TRABD2B: variants seen among roughly 807,000 people sequenced by gnomAD.
The protein encoded by TRABD2B is metalloprotease TIKI2.
TRABD2B carries 14 observed loss-of-function variants against 40.1 expected under a neutral mutation model. The observed-to-expected ratio is 0.35, with a 90% confidence interval of 0.23 to 0.55. The LOEUF is 0.55. TRABD2B is among the 20% of genes least tolerant of loss of function. TRABD2B has a pLI of 0.90. For missense variants in TRABD2B, 541 were observed against 648.6 expected, an observed-to-expected ratio of 0.83 and a Z score of 1.80; for synonymous variants, 263 against 277.0, an observed-to-expected ratio of 0.95 and a Z score of 0.50.
intron 2 of TRABD2B, among the ~76,000 whole-genome samples, chr1:47,882,279 C>G (rs189949899): frequency 1.3e-5 from 2 of 152,234 alleles, no homozygotes; most frequent in Non-Finnish European, 2.9e-5. Flanking sequence ...GGGGACTGCA[C>G]GTGTGTGCCT....
intron 2 of TRABD2B, among the ~76,000 whole-genome samples, chr1:47,848,177 A>C (rs539738424): frequency 2.0e-5 from 3 of 152,196 alleles, no homozygotes; most frequent in Non-Finnish European, 4.4e-5. Context: ...ATGAGGGCCA[A>C]ACCCAAAATG....
At chr1:47,985,268 C>T (rs1445390380) in intron 2 of TRABD2B, among the ~76,000 whole-genome samples, 10 of 152,214 alleles carry the variant, frequency 6.6e-5, no homozygotes, top group East Asian at 3.9e-4. Flanking sequence ...TGCACTATGA[C>T]GTGTAAACTT....
In TRABD2B at chr1:47,873,028, A is replaced by G. The variant is rs574730039; in HGVS notation, c.667-71409T>C. Among the ~76,000 whole-genome samples, 108 of 152,320 alleles carry G rather than the reference A, an allele frequency of 7.1e-4. 1 individual carries two copies. The highest frequency in any genetic ancestry group is 2.4e-3 in the African/African-American group (101 of 41,572). On this transcript the variant is annotated intron_variant, in intron 2 of 6. Coordinates refer to ENST00000606738, the MANE Select transcript of TRABD2B (RefSeq NM_001194986.2). Reference sequence around the variant, plus strand: ...TGCCTGGTGGGGCCCACTTCCTGCAATCATAGATGGTGCCTTCTTGCCATG... The same window carrying G: ...TGCCTGGTGGGGCCCACTTCCTGCAGTCATAGATGGTGCCTTCTTGCCATG...
chr1:47,906,774 C>T (rs1644684193), intron 2 of TRABD2B, among the ~76,000 whole-genome samples: 1 of 152,214 alleles, frequency 6.6e-6, no homozygotes, highest in African/African-American at 2.4e-5. Flanking sequence ...TATGACAGGT[C>T]TAGGAACCTT....
chr1:47,876,169 T>C (rs965447762), intron 2 of TRABD2B, among the ~76,000 whole-genome samples: 5 of 152,162 alleles, frequency 3.3e-5, no homozygotes, highest in Non-Finnish European at 7.4e-5. Flanking sequence ...GTCACTGAGC[T>C]TGAACAAGCG....
rs1178013694 is a variant in TRABD2B, at chr1:47,996,637, G to A, written c.102+51C>T. On this transcript the variant is annotated intron_variant, in intron 1 of 6. Transcript: ENST00000606738. This position sits in a 1 kb window ranked among gnomAD's most constrained non-coding sequence, Gnocchi z 4.6. ...CAGGACCCAAACCATGGTCCCACGG[G>A]ACTAGAATACCCAGGCAGGCGGGAG... 4.1e-6 allele frequency: 5 copies of A among 1,222,896 alleles called. No homozygotes were observed. Among genetic ancestry groups the A allele is most frequent in the East Asian group, 3.2e-5 (1 of 30,920 alleles). 75.8% of individuals were successfully genotyped at this position (1,222,896 alleles called of 1,614,324 possible).
intron 2 of TRABD2B, among the ~76,000 whole-genome samples, chr1:47,982,946 A>G (rs1237339057): frequency 6.6e-6 from 1 of 152,222 alleles, no homozygotes; most frequent in Non-Finnish European, 1.5e-5. Context: ...AGGCCTCACC[A>G]TGCGGGTTCT....
At chr1:47,911,539 C>T (rs1200963218) in intron 2 of TRABD2B, among the ~76,000 whole-genome samples, 1 of 152,260 alleles carries the variant, frequency 6.6e-6, no homozygotes, top group Non-Finnish European at 1.5e-5. Context: ...AATGCATCGT[C>T]TGTCAGTTCT....
At chr1:47,795,473 G>T (rs1209545376) in intron 3 of TRABD2B, among the ~76,000 whole-genome samples, 1 of 152,214 alleles carries the variant, frequency 6.6e-6, no homozygotes, top group East Asian at 1.9e-4. Context: ...AAGAGGATGT[G>T]CAGGGTCAGT....
At chr1:47,872,155 C>G (rs1644150798) in intron 2 of TRABD2B, among the ~76,000 whole-genome samples, 1 of 152,194 alleles carries the variant, frequency 6.6e-6, no homozygotes, top group Admixed American at 6.5e-5. Flanking sequence ...TAGTCCCATC[C>G]TCTCTGGGGA....
At chr1:47,886,049 T>C (rs116414398) in intron 2 of TRABD2B, among the ~76,000 whole-genome samples, 231 of 152,290 alleles carry the variant, frequency 1.5e-3, no homozygotes, top group African/African-American at 5.0e-3. Flanking sequence ...GGAAGTGAGA[T>C]AGAGAAACTG....
intron 2 of TRABD2B, among the ~76,000 whole-genome samples, chr1:47,847,297 A>G (rs1384869841): frequency 6.6e-6 from 1 of 152,096 alleles, no homozygotes; most frequent in Non-Finnish European, 1.5e-5. Flanking sequence ...CACCCCCTTC[A>G]CAGGAAGGAC....
intron 2 of TRABD2B, among the ~76,000 whole-genome samples, chr1:47,874,689 T>C (rs1644197903): frequency 6.6e-6 from 1 of 151,242 alleles, no homozygotes; most frequent in African/African-American, 2.4e-5. Context: ...CACCTCAGCC[T>C]CCTGAGTAGT....
chr1:47,817,725 G>A (rs1462092148), intron 2 of TRABD2B, among the ~76,000 whole-genome samples: 5 of 152,130 alleles, frequency 3.3e-5, no homozygotes, highest in African/African-American at 1.2e-4. Context: ...GTCCCTTCAC[G>A]GGCTCCTCGC....
intron 2 of TRABD2B, among the ~76,000 whole-genome samples, chr1:47,932,780 T>A (rs941513349): frequency 5.9e-5 from 9 of 152,166 alleles, no homozygotes; most frequent in Non-Finnish European, 7.4e-5. Flanking sequence ...TCTGCGCAAG[T>A]CACTTCTTCC....
intron 2 of TRABD2B, among the ~76,000 whole-genome samples, chr1:47,861,076 T>C (rs1643960973): frequency 6.6e-6 from 1 of 152,152 alleles, no homozygotes; most frequent in Non-Finnish European, 1.5e-5. Flanking sequence ...GGGGAGGAGA[T>C]GAAAACCAGA....
At chr1:47,936,593 A>G (rs1355085440) in intron 2 of TRABD2B, among the ~76,000 whole-genome samples, 1 of 152,066 alleles carries the variant, frequency 6.6e-6, no homozygotes, top group African/African-American at 2.4e-5. Context: ...AAAAAGGATA[A>G]TAAGTTTTAA....
intron 2 of TRABD2B, among the ~76,000 whole-genome samples, chr1:47,984,721 T>G (rs1033799367): frequency 6.6e-6 from 1 of 152,092 alleles, no homozygotes; most frequent in Non-Finnish European, 1.5e-5. Flanking sequence ...CCCTCCGATC[T>G]CAGGTTCACC....
chr1:47,791,507 G>A (rs1198077564), intron 4 of TRABD2B, among the ~76,000 whole-genome samples: 1 of 152,200 alleles, frequency 6.6e-6, no homozygotes, highest in Non-Finnish European at 1.5e-5. Flanking sequence ...ATAGCCTTGG[G>A]GGTCTTATGA....
Sources: allele counts gnomAD v4.1 joint callset (sites outside exome capture counted in the v4.1 genomes callset), GRCh38; gene constraint gnomAD v4.1.1; non-coding constraint Gnocchi (gnomAD v3.1); transcripts MANE v1.5; gene names NCBI Gene and HGNC (gene_info 2026-07-23, HGNC 2026-07-21).